AHR: variants seen among roughly 807,000 people sequenced by gnomAD.
The protein encoded by AHR is aryl hydrocarbon receptor, also known as AH-receptor.
In AHR, 40 loss-of-function variants were observed where a neutral mutation model predicts 86.8. The ratio of observed to expected loss-of-function variants is 0.46; its 90% CI spans 0.36 to 0.60. The LOEUF (loss-of-function observed/expected upper bound fraction) is 0.60. AHR is among the 20% of genes least tolerant of loss of function. The pLI is 0.00. For missense variants in AHR, 1,001 were observed against 1,011.6 expected (o/e 0.99, Z 0.14); for synonymous variants, 398 against 354.9 (o/e 1.12, Z -1.37).
At chr7:17,318,981 G>C (rs1378683599) in intron 2 of AHR, among the ~76,000 whole-genome samples, 1 of 152,108 alleles carries the variant, frequency 6.6e-6, no homozygotes, top group Non-Finnish European at 1.5e-5. Context: ...CTGAGGAAGG[G>C]TTGGTCTTGC....
At chr7:17,317,703 A>AT (rs1192990545) in intron 2 of AHR, among the ~76,000 whole-genome samples, 2 of 152,100 alleles carry the variant, frequency 1.3e-5, no homozygotes, top group Non-Finnish European at 2.9e-5. Flanking sequence ...TGAATCAGAA[A>AT]TTCTAGAGGT....
chr7:17,324,203 C>A (rs1330663611), intron 3 of AHR, among the ~76,000 whole-genome samples: 1 of 152,060 alleles, frequency 6.6e-6, no homozygotes, highest in Non-Finnish European at 1.5e-5. Context: ...ATATTGAATA[C>A]CATTTGTAGA....
intron 1 of AHR, among the ~76,000 whole-genome samples, chr7:17,299,642 T>G (rs1236908189): frequency 1.3e-5 from 2 of 152,276 alleles, no homozygotes; most frequent in African/African-American, 4.8e-5. Flanking sequence ...CTGATCTGCC[T>G]TGGGCTAATG....
At chr7:17,306,583 C>G (rs1051052583) in intron 1 of AHR, among the ~76,000 whole-genome samples, 87 of 152,090 alleles carry the variant, frequency 5.7e-4, no homozygotes, top group African/African-American at 1.8e-3. Flanking sequence ...GTCTATGCCT[C>G]TTCCATAGCC....
chr7:17,307,647 A>G (rs1782019071), intron 1 of AHR, among the ~76,000 whole-genome samples: 1 of 152,200 alleles, frequency 6.6e-6, no homozygotes, highest in African/African-American at 2.4e-5. Flanking sequence ...GAACATGGAC[A>G]GTTCAGAGCT....
chr7:17,336,260 T>C (rs987089527), intron 9 of AHR, among the ~76,000 whole-genome samples: 4 of 152,064 alleles, frequency 2.6e-5, no homozygotes, highest in African/African-American at 7.2e-5. Flanking sequence ...ATTATACGTA[T>C]ACCCAATTGA....
In AHR at chr7:17,341,544, T is replaced by C. The variant is rs372369759; in HGVS notation, c.2403+1316T>C. Reference sequence around the variant, plus strand: ...AGACCTACATATGTTCCAGAGTACATGTTATTGAGCTAAGACACTCAATAT... The same window carrying C: ...AGACCTACATATGTTCCAGAGTACACGTTATTGAGCTAAGACACTCAATAT... On this transcript the variant is annotated intron_variant, in intron 10 of 10. Transcript: ENST00000242057. Among the ~76,000 whole-genome samples, 11 of 152,284 alleles carry C rather than the reference T, an allele frequency of 7.2e-5. No homozygotes were observed. In the East Asian group the frequency reaches 1.3e-3, roughly 19 times the overall value.
chr7:17,331,804 A>C (rs1018977153), intron 6 of AHR, among the ~76,000 whole-genome samples: 4 of 151,998 alleles, frequency 2.6e-5, no homozygotes, highest in African/African-American at 7.2e-5. Flanking sequence ...CATGTTACCA[A>C]GTACAGGAGA....
intron 6 of AHR, among the ~76,000 whole-genome samples, chr7:17,332,291 A>G (rs1782304955): frequency 6.6e-6 from 1 of 151,940 alleles, no homozygotes; most frequent in Non-Finnish European, 1.5e-5. Context: ...TTATTTTTAA[A>G]TGTATTATAC....
chr7:17,315,799 A>G (rs1451432253), intron 2 of AHR, among the ~76,000 whole-genome samples: 1 of 151,876 alleles, frequency 6.6e-6, no homozygotes, highest in Non-Finnish European at 1.5e-5. Context: ...TTATTTGGTA[A>G]TATTTGTATA....
In AHR at chr7:17,343,921, T is replaced by C. The variant is rs760164874; in HGVS notation, c.*857T>C. On this transcript the variant is annotated 3_prime_UTR_variant, in exon 11 of 11. Coordinates refer to ENST00000242057, the MANE Select transcript of AHR (RefSeq NM_001621.5). ...TCTTTCCAAATTATTTCTTAATTAT[T>C]ATAAAAATATTAAGACAATAGCACT... The C allele has an allele frequency of 1.3e-5, 2 of 152,584 alleles. No individual in the cohort carries two copies. The highest frequency in any genetic ancestry group is 2.9e-5 in the Non-Finnish European group (2 of 67,994). The allele number at this position is 152,584 out of a possible 1,614,324, so 9.5% of individuals were successfully genotyped here. A position where few individuals can be genotyped will look rare whatever the true frequency, so the allele number is the denominator to read the frequency against.
At chr7:17,311,369 A>G (rs1782062537) in intron 2 of AHR, among the ~76,000 whole-genome samples, 1 of 152,142 alleles carries the variant, frequency 6.6e-6, no homozygotes, top group Non-Finnish European at 1.5e-5. Flanking sequence ...TTGCATGTCT[A>G]ACAAGCTCCG....
Position 17,336,995 on chromosome 7 carries a change from A to G in AHR, c.1160+1209A>G, listed in dbSNP as rs553035561. Among the ~76,000 whole-genome samples the G allele has an allele frequency of 4.6e-5, 7 of 152,242 alleles. No individual in the cohort carries two copies. The South Asian group carries it at 1.2e-3, about 27-fold the overall frequency. On this transcript the variant is annotated intron_variant, in intron 9 of 10. Transcript: ENST00000242057. ...AAAAAATATATACTTAAACATATAT[A>G]TCAGTTTCCCTTTAAGTACAGCATT...
intron 2 of AHR, among the ~76,000 whole-genome samples, chr7:17,321,552 T>A (rs1782172542): frequency 6.7e-6 from 1 of 150,358 alleles, no homozygotes; most frequent in Non-Finnish European, 1.5e-5. Flanking sequence ...TCTATTCAGC[T>A]GCGCTTCCTC....
chr7:17,334,512 C>T (rs1161882491), intron 7 of AHR, among the ~76,000 whole-genome samples: 1 of 151,946 alleles, frequency 6.6e-6, no homozygotes, highest in Non-Finnish European at 1.5e-5. Context: ...GTGCTTTTCT[C>T]CTTTCTAATG....
intron 3 of AHR, among the ~76,000 whole-genome samples, chr7:17,325,290 G>C (rs1782216664): frequency 6.6e-6 from 1 of 152,136 alleles, no homozygotes; most frequent in Non-Finnish European, 1.5e-5. Context: ...AAAGAGATTT[G>C]ATAACTGTAC....
chr7:17,303,179 C>A (rs1781971605), intron 1 of AHR, among the ~76,000 whole-genome samples: 1 of 151,888 alleles, frequency 6.6e-6, no homozygotes, highest in Non-Finnish European at 1.5e-5. Context: ...ACAAGCTTGC[C>A]CAGTTCTTTA....
intron 6 of AHR, 88 bp downstream of exon 6, chr7:17,330,974 C>T (rs1036327709): frequency 1.2e-4 from 164 of 1,414,718 alleles, no homozygotes; most frequent in Non-Finnish European, 1.5e-4. Context: ...TATAATTCAG[C>T]AGAGAACTAT....
chr7:17,344,052 T>C lies in AHR; in HGVS notation c.*988T>C, dbSNP rs1782456486. ...TGTTGCAATGTGAAAAATCTGCTGT[T>C]AACTGCAACCTTGTTTATTAAATTG... On this transcript the variant is annotated 3_prime_UTR_variant, in exon 11 of 11. Transcript: ENST00000242057. The C allele has an allele frequency of 6.6e-6, 1 of 152,640 alleles. No individual in the cohort carries two copies. Among genetic ancestry groups the C allele is most frequent in the African/African-American group, 2.4e-5 (1 of 41,464 alleles). 9.5% of individuals were successfully genotyped at this position (152,640 alleles called of 1,614,324 possible).
Sources: allele counts gnomAD v4.1 joint callset (sites outside exome capture counted in the v4.1 genomes callset), GRCh38; gene constraint gnomAD v4.1.1; transcripts MANE v1.5; gene names NCBI Gene and HGNC (gene_info 2026-07-23, HGNC 2026-07-21).